ARHGAP44: variants seen among roughly 807,000 people sequenced by gnomAD.
The protein encoded by ARHGAP44 is Rho GTPase activating protein 44.
In ARHGAP44, 43 loss-of-function variants were observed where a neutral mutation model predicts 106.8. The observed-to-expected ratio is 0.40, with a 90% CI of 0.32 to 0.52. The LOEUF is 0.52. Ranked by LOEUF, ARHGAP44 falls within the 20% of genes least tolerant of loss-of-function variation. The pLI is 0.48. For synonymous variants in ARHGAP44, 439 were observed against 410.3 expected, an observed-to-expected ratio of 1.07 and a Z score of -0.85; for missense variants, 866 against 1,050.5, an observed-to-expected ratio of 0.82 and a Z score of 2.43.
At chr17:12,845,560 C>T (rs911129790) in intron 1 of ARHGAP44, among the ~76,000 whole-genome samples, 1 of 151,808 alleles carries the variant, frequency 6.6e-6, no homozygotes, top group Non-Finnish European at 1.5e-5. Flanking sequence ...GAACCTAAAC[C>T]CATAAAGACA....
At position 12,973,296 on chromosome 17, in the gene ARHGAP44, C is replaced by T; in HGVS notation, c.1524-6C>T. ...AACTAATATCTGTATGTTTCTGTCC[C>T]TGCAGCCTTAGGAAAATCCAAAGGT... On this transcript the variant is annotated splice_region_variant and splice_polypyrimidine_tract_variant and intron_variant, in intron 16 of 20. Coordinates refer to ENST00000379672, the MANE Select transcript of ARHGAP44 (RefSeq NM_014859.6). 1.2e-6 allele frequency: 2 copies of T among 1,608,040 alleles called. No homozygotes were observed. The highest frequency in any genetic ancestry group is 1.7e-6 in the Non-Finnish European group (2 of 1,177,114).
intron 19 of ARHGAP44, chr17:12,981,049 G>A (rs1205464409): frequency 6.6e-6 from 1 of 152,066 alleles, no homozygotes; most frequent in Non-Finnish European, 1.5e-5. Flanking sequence ...CATTCTCTTT[G>A]TCTGCCCTCA....
At chr17:12,931,138 C>G (rs2038386152) in intron 7 of ARHGAP44, among the ~76,000 whole-genome samples, 1 of 152,178 alleles carries the variant, frequency 6.6e-6, no homozygotes, top group South Asian at 2.1e-4. Context: ...GTGGCGTGAT[C>G]TCGGCTCATT....
At chr17:12,856,753 T>C (rs553830129) in intron 1 of ARHGAP44, among the ~76,000 whole-genome samples, 5 of 152,186 alleles carry the variant, frequency 3.3e-5, no homozygotes, top group African/African-American at 1.2e-4. Context: ...ATGTTATTAA[T>C]AGTCCTGACC....
rs1307481830 is a variant in ARHGAP44 at position 12,974,126 on chromosome 17, C to G, written c.1579C>G (p.Arg527Gly). The change falls in exon 18 of 21, where the codon CGA (arginine) becomes GGA (glycine). Residue 527 changes from arginine to glycine, a missense_variant. Coordinates refer to ENST00000379672, the MANE Select transcript of ARHGAP44 (RefSeq NM_014859.6). ...VRVMDTNWVA[R>G]RGSSAGRKVS... ...GGTCATGGACACAAACTGGGTGGCTCGAAGAGGCTCCTCGGCCGGTCGGAA... is the reference window on the plus strand; with the variant it reads ...GGTCATGGACACAAACTGGGTGGCTGGAAGAGGCTCCTCGGCCGGTCGGAA... 1.9e-6 allele frequency: 3 copies of G among 1,570,308 alleles called. No homozygotes were observed. The highest frequency in any genetic ancestry group is 2.6e-6 in the Non-Finnish European group (3 of 1,157,792).
At chr17:12,820,544 C>G (rs879368183) in intron 1 of ARHGAP44, among the ~76,000 whole-genome samples, 28 of 152,068 alleles carry the variant, frequency 1.8e-4, no homozygotes, top group African/African-American at 6.8e-4. Flanking sequence ...GTGTTCCTGG[C>G]ACTATCGTGG....
In ARHGAP44 at chr17:12,949,398, C is replaced by A; in HGVS notation, c.973+147C>A. 1.1e-6 allele frequency: 1 copy of A among 922,902 alleles called. No individual in the cohort carries two copies. The highest frequency in any genetic ancestry group is 1.6e-6 in the Non-Finnish European group (1 of 616,474). The allele number at this position is 922,902 out of a possible 1,614,324, so 57.2% of individuals were successfully genotyped here. A position where few individuals can be genotyped will look rare whatever the true frequency, so the allele number is the denominator to read the frequency against. On this transcript the variant is annotated intron_variant, in intron 11 of 20. Coordinates refer to ENST00000379672, the MANE Select transcript of ARHGAP44 (RefSeq NM_014859.6). The surrounding 1 kb of genome is among the most constrained non-coding windows in gnomAD (Gnocchi z 4.1). ...GTCCACTCAGTGCCCAGTTTCAGGGCTGGGTGCTCTGGCCCCTTGAAGGAA... is the reference window on the plus strand; with the variant it reads ...GTCCACTCAGTGCCCAGTTTCAGGGATGGGTGCTCTGGCCCCTTGAAGGAA...
chr17:12,867,009 C>T (rs1280195066), intron 1 of ARHGAP44, among the ~76,000 whole-genome samples: 1 of 151,954 alleles, frequency 6.6e-6, no homozygotes, highest in African/African-American at 2.4e-5. Context: ...AATCCTTATC[C>T]AAAGTGGCAT....
intron 13 of ARHGAP44, among the ~76,000 whole-genome samples, chr17:12,954,291 T>C (rs992401387): frequency 4.6e-5 from 7 of 152,216 alleles, no homozygotes; most frequent in Non-Finnish European, 7.3e-5. Flanking sequence ...ACTGTGAATG[T>C]ACTTAATGCC....
At chr17:12,913,784 A>G (rs889014794) in intron 4 of ARHGAP44, among the ~76,000 whole-genome samples, 2 of 142,198 alleles carry the variant, frequency 1.4e-5, no homozygotes, top group Admixed American at 1.4e-4. Context: ...CCTGGCCAAC[A>G]TGGTGAAACC....
Position 12,949,741 on chromosome 17 carries a change from CTTGTT to C in ARHGAP44, c.1055+15_1055+19del. 6.2e-7 allele frequency: 1 copy of C among 1,609,810 alleles called. No homozygotes were observed. The highest frequency in any genetic ancestry group is 8.5e-7 in the Non-Finnish European group (1 of 1,176,438). ...GATCCAGGCTTCCAAGTGAGTACCC[CTTGTT>C]TTGGAATGTCCTGTGAGTTACAGTT... On this transcript the variant is annotated intron_variant, in intron 12 of 20. Transcript: ENST00000379672. The surrounding 1 kb of genome is among the most constrained non-coding windows in gnomAD (Gnocchi z 4.1).
intron 1 of ARHGAP44, among the ~76,000 whole-genome samples, chr17:12,796,704 C>G (rs952104625): frequency 6.6e-6 from 1 of 151,776 alleles, no homozygotes; most frequent in Admixed American, 6.6e-5. Context: ...TCATGCCATT[C>G]TCCTGCCTCA....
Position 12,847,510 on chromosome 17 carries a change from C to CTTTT in ARHGAP44, c.54-47429_54-47428insTTTT, listed in dbSNP as rs201835763. ...TACACCTTCCTTCAAGCTACCATCA[C>CTTTT]TCTTTTTTTTTTTTTTTTTTTGAGA... On this transcript the variant is annotated intron_variant, in intron 1 of 20. Coordinates refer to ENST00000379672, the MANE Select transcript of ARHGAP44 (RefSeq NM_014859.6). 5.6e-4 allele frequency among the ~76,000 whole-genome samples: 75 copies of CTTTT among 133,586 alleles called. 5 individuals carry two copies. Among genetic ancestry groups the CTTTT allele is most frequent in the African/African-American group, 2.1e-3 (63 of 30,244 alleles). The allele number at this position is 133,586 out of a possible 152,430, so 87.6% of individuals were successfully genotyped here.
chr17:12,982,166 C>T (rs2039849637), intron 19 of ARHGAP44, among the ~76,000 whole-genome samples: 1 of 152,178 alleles, frequency 6.6e-6, no homozygotes, highest in Non-Finnish European at 1.5e-5. Flanking sequence ...TTTTGCAGCA[C>T]ATTGGACCTA....
intron 10 of ARHGAP44, among the ~76,000 whole-genome samples, chr17:12,947,114 G>A (rs933271975): frequency 1.3e-5 from 2 of 152,000 alleles, no homozygotes; most frequent in Non-Finnish European, 2.9e-5. Context: ...TGTTTTTTAT[G>A]CTATCCAATT....
chr17:12,825,508 C>T (rs113046854), intron 1 of ARHGAP44, among the ~76,000 whole-genome samples: 2,936 of 151,798 alleles, frequency 0.019, 87 homozygotes, highest in African/African-American at 0.066. Context: ...GATTGTTAAG[C>T]TTGAAATCTG....
rs375615128 is a variant in ARHGAP44, at chr17:12,919,743, G to C, written c.388-12G>C. The C allele has an allele frequency of 1.2e-6, 2 of 1,606,820 alleles. No homozygotes were observed. Among genetic ancestry groups the C allele is most frequent in the Non-Finnish European group, 1.7e-6 (2 of 1,176,084 alleles). ...TCAGTTTAATTGTATCTTTTATGTT[G>C]TGTAACCACAGGTGGAAATCCCAAA... On this transcript the variant is annotated splice_polypyrimidine_tract_variant and intron_variant, in intron 5 of 20. Coordinates refer to ENST00000379672, the MANE Select transcript of ARHGAP44 (RefSeq NM_014859.6).
At chr17:12,820,107 T>G (rs1452149431) in intron 1 of ARHGAP44, among the ~76,000 whole-genome samples, 2 of 152,156 alleles carry the variant, frequency 1.3e-5, no homozygotes, top group Non-Finnish European at 2.9e-5. Flanking sequence ...TTCATTTTTT[T>G]TCCAGTTGAA....
At chr17:12,831,289 T>C (rs1336424347) in intron 1 of ARHGAP44, among the ~76,000 whole-genome samples, 1 of 152,226 alleles carries the variant, frequency 6.6e-6, no homozygotes, top group Non-Finnish European at 1.5e-5. Flanking sequence ...ACCATGCTGT[T>C]CACCTGTGCT....
Sources: allele counts gnomAD v4.1 joint callset (sites outside exome capture counted in the v4.1 genomes callset), GRCh38; gene constraint gnomAD v4.1.1; non-coding constraint Gnocchi (gnomAD v3.1); transcripts MANE v1.5; gene names NCBI Gene and HGNC (gene_info 2026-07-23, HGNC 2026-07-21).